SLC4A7: variants seen among roughly 807,000 people sequenced by gnomAD.
The protein encoded by SLC4A7 is sodium bicarbonate cotransporter 3.
Under a neutral mutation model 137.6 loss-of-function variants are expected in SLC4A7, and 51 were observed. The observed-to-expected ratio is 0.37, with a 90% CI of 0.30 to 0.47. SLC4A7 has a LOEUF of 0.47. Ranked by LOEUF, SLC4A7 falls within the 20% of genes least tolerant of loss-of-function variation. The pLI is 1.00. For missense variants in SLC4A7, 1,247 were observed against 1,525.4 expected (o/e 0.82, Z 3.04); for synonymous variants, 542 against 518.6 (o/e 1.05, Z -0.61).
At chr3:27,483,690 C>T (rs1267686443) in intron 1 of SLC4A7, among the ~76,000 whole-genome samples, 1 of 152,188 alleles carries the variant, frequency 6.6e-6, no homozygotes, top group African/African-American at 2.4e-5. Flanking sequence ...CCAAGGCAAC[C>T]GGAACCGGGA....
At chr3:27,402,340 T>G (rs748971739) in intron 15 of SLC4A7, among the ~76,000 whole-genome samples, 1 of 152,204 alleles carries the variant, frequency 6.6e-6, no homozygotes, top group Non-Finnish European at 1.5e-5. Context: ...AAGATTTTCA[T>G]TGCACTTTTT....
intron 7 of SLC4A7, among the ~76,000 whole-genome samples, chr3:27,426,874 A>G (rs2055683716): frequency 6.8e-6 from 1 of 147,478 alleles, no homozygotes; most frequent in Admixed American, 6.8e-5. Flanking sequence ...AGCATTCACA[A>G]TGAGCAAATT....
intron 1 of SLC4A7, among the ~76,000 whole-genome samples, chr3:27,455,495 A>G (rs1279735111): frequency 6.6e-6 from 1 of 152,180 alleles, no homozygotes; most frequent in East Asian, 1.9e-4. Flanking sequence ...AATGGAAGTC[A>G]AGTTAAAATA....
At chr3:27,427,123 T>C (rs532411514) in intron 7 of SLC4A7, among the ~76,000 whole-genome samples, 6 of 152,280 alleles carry the variant, frequency 3.9e-5, no homozygotes, top group Non-Finnish European at 8.8e-5. Flanking sequence ...GAGACATATT[T>C]GGTTGTCACA....
intron 1 of SLC4A7, chr3:27,456,997 G>A: frequency 2.3e-6 from 2 of 882,718 alleles, no homozygotes; most frequent in Non-Finnish European, 2.7e-6. Context: ...AGTACAAAGA[G>A]TGCATACTCT....
intron 2 of SLC4A7, among the ~76,000 whole-genome samples, chr3:27,451,862 G>A (rs1038493754): frequency 5.3e-5 from 8 of 152,292 alleles, no homozygotes; most frequent in Middle Eastern, 3.4e-3. Context: ...ACTGGGTGAA[G>A]TGTATGGAGG....
chr3:27,431,176 A>T, intron 7 of SLC4A7, 122 bp downstream of exon 7: 1 of 1,027,252 alleles, frequency 9.7e-7, no homozygotes, highest in Non-Finnish European at 1.3e-6. Context: ...AAACATGCAG[A>T]AGTCAAAATA....
chr3:27,412,791 A>G (rs553517793), intron 11 of SLC4A7, among the ~76,000 whole-genome samples: 155 of 152,292 alleles, frequency 1.0e-3, no homozygotes, highest in African/African-American at 3.6e-3. Context: ...CAAAGCCACA[A>G]TTACTTTTGT....
intron 22 of SLC4A7, among the ~76,000 whole-genome samples, chr3:27,387,953 A>C (rs79848552): frequency 0.021 from 3,248 of 152,288 alleles, 42 homozygotes; most frequent in Non-Finnish European, 0.031. Context: ...AAATGCTATT[A>C]TAAAGCCTTT....
intron 10 of SLC4A7, among the ~76,000 whole-genome samples, chr3:27,420,160 T>C (rs1351963882): frequency 5.7e-5 from 8 of 141,322 alleles, no homozygotes; most frequent in African/African-American, 2.1e-4. Context: ...TGAGACTCTG[T>C]CTCAAAAAAA....
At position 27,465,474 on chromosome 3, in the gene SLC4A7, T is replaced by TA. The variant is rs10564000; in HGVS notation, c.61-12977dup. On this transcript the variant is annotated intron_variant, in intron 1 of 25. Transcript: ENST00000454389. The stretch of plus-strand genomic sequence containing the variant: ...TCTAAAACTGAACTGGTAGGCACAG[T>TA]AAAAAAAAAAAAAAAAAAAAGTACT... Among the ~76,000 whole-genome samples the TA allele has an allele frequency of 6.2e-3, 782 of 125,430 alleles. 10 individuals carry two copies. Among genetic ancestry groups the TA allele is most frequent in the African/African-American group, 0.02 (684 of 33,950 alleles). 82.3% of individuals were successfully genotyped at this position (125,430 alleles called of 152,430 possible). A position where few individuals can be genotyped will look rare whatever the true frequency, so the allele number is the denominator to read the frequency against.
intron 1 of SLC4A7, among the ~76,000 whole-genome samples, chr3:27,479,345 T>G (rs529785973): frequency 6.6e-6 from 1 of 151,916 alleles, no homozygotes; most frequent in African/African-American, 2.4e-5. Flanking sequence ...GCCCAGGAAG[T>G]TGGGGCTGCA....
intron 1 of SLC4A7, chr3:27,456,896 A>G: frequency 7.4e-7 from 1 of 1,354,108 alleles, no homozygotes; most frequent in South Asian, 2.0e-5. Flanking sequence ...AGCATAACAG[A>G]TTTGGAAAGT....
chr3:27,428,660 T>C (rs573184966), intron 7 of SLC4A7, among the ~76,000 whole-genome samples: 3 of 152,280 alleles, frequency 2.0e-5, no homozygotes, highest in Non-Finnish European at 2.9e-5. Context: ...CAGGGGAAGA[T>C]GACTAACTTT....
At chr3:27,420,641 T>A in intron 10 of SLC4A7, 59 bp downstream of exon 10, 2 of 1,061,086 alleles carry the variant, frequency 1.9e-6, no homozygotes, top group South Asian at 1.4e-5. Context: ...TAATCTAATA[T>A]ATACTATATG....
chr3:27,471,374 T>A (rs1576657392), intron 1 of SLC4A7, among the ~76,000 whole-genome samples: 1 of 152,310 alleles, frequency 6.6e-6, no homozygotes, highest in Non-Finnish European at 1.5e-5. Context: ...TTCAGCCCCA[T>A]AGCTATTCAG....
At chr3:27,412,718 TTTTAA>T (rs1304226908) in intron 11 of SLC4A7, among the ~76,000 whole-genome samples, 5 of 145,604 alleles carry the variant, frequency 3.4e-5, no homozygotes, top group African/African-American at 1.2e-4. Flanking sequence ...TGGCTATTAT[TTTTAA>T]TTTAATTAAT....
At chr3:27,421,814 C>A (rs766786817) in intron 8 of SLC4A7, 35 bp from the exon 9 acceptor site, 2 of 1,544,944 alleles carry the variant, frequency 1.3e-6, no homozygotes, top group South Asian at 2.3e-5. Context: ...ATAAAGTTTC[C>A]GTGGTATTTG....
chr3:27,459,994 C>T (rs34571224), intron 1 of SLC4A7, among the ~76,000 whole-genome samples: 24,183 of 142,954 alleles, frequency 0.17, 2,352 homozygotes, highest in Non-Finnish European at 0.24. Flanking sequence ...TATATATACA[C>T]ACACACACAC....
Sources: gnomAD v4.1 joint callset for allele counts (sites outside exome capture counted in the v4.1 genomes callset) on GRCh38, gnomAD v4.1.1 for gene constraint, MANE v1.5 for transcripts, NCBI Gene and HGNC (gene_info 2026-07-23, HGNC 2026-07-21) for gene names.